Variants in XPO4 observed in about 807,000 individuals in gnomAD.
The protein encoded by XPO4 is exportin 4.
XPO4 carries 39 observed loss-of-function variants against 143.0 expected under a neutral mutation model. The ratio of observed to expected loss-of-function variants is 0.27; its 90% confidence interval spans 0.21 to 0.36. The LOEUF is 0.36. Ranked by LOEUF, XPO4 falls within the 10% of genes least tolerant of loss-of-function variation. XPO4 has a pLI of 1.00. For missense variants in XPO4, 907 were observed against 1,348.0 expected (o/e 0.67, Z 5.12); for synonymous variants, 439 against 474.0 (o/e 0.93, Z 0.96).
At chr13:20,897,164 T>TAATGCATCTTTCA (rs1355878134) in intron 1 of XPO4, among the ~76,000 whole-genome samples, 2 of 152,188 alleles carry the variant, frequency 1.3e-5, no homozygotes, top group African/African-American at 4.8e-5. Flanking sequence ...ATACTTACTA[T>TAATGCATCTTTCA]AATGCATCTT....
intron 22 of XPO4, among the ~76,000 whole-genome samples, chr13:20,785,385 G>C (rs2059187432): frequency 6.6e-6 from 1 of 152,094 alleles, no homozygotes; most frequent in South Asian, 2.1e-4. Flanking sequence ...AGAAATGGTA[G>C]AGGTGGCAAG....
intron 6 of XPO4, among the ~76,000 whole-genome samples, chr13:20,837,511 T>C (rs1392751009): frequency 6.6e-6 from 1 of 152,138 alleles, no homozygotes; most frequent in Non-Finnish European, 1.5e-5. Flanking sequence ...GTTCAAGCAC[T>C]TCTCCTGCCT....
intron 6 of XPO4, among the ~76,000 whole-genome samples, chr13:20,837,396 TCTC>T (rs2059928749): frequency 1.3e-5 from 2 of 152,046 alleles, no homozygotes; most frequent in Admixed American, 6.5e-5. Flanking sequence ...TTTTCTTTCT[TCTC>T]CTTTTTTTTT....
intron 7 of XPO4, among the ~76,000 whole-genome samples, chr13:20,826,843 G>A (rs2059791563): frequency 6.6e-6 from 1 of 152,164 alleles, no homozygotes; most frequent in Admixed American, 6.5e-5. Flanking sequence ...GAAATTAAAA[G>A]TTTGAGAACT....
At chr13:20,799,395 A>G (rs1423870662) in intron 15 of XPO4, 56 bp from the exon 16 acceptor site, 5 of 1,333,574 alleles carry the variant, frequency 3.7e-6, no homozygotes, top group Non-Finnish European at 4.1e-6. Context: ...ACATACACAC[A>G]TACACATATA....
chr13:20,862,885 T>G, intron 2 of XPO4, 27 bp from the exon 3 acceptor site: 3 of 1,608,888 alleles, frequency 1.9e-6, no homozygotes, highest in Non-Finnish European at 2.5e-6. Flanking sequence ...AAACTTTATT[T>G]AAACAATAAT....
chr13:20,790,555 T>C lies in XPO4; in HGVS notation c.2823A>G (p.Pro941=), dbSNP rs1202497410. The change falls in exon 19 of 23, where the codon CCA becomes CCG. Residue 941 remains proline, a synonymous_variant. Coordinates refer to ENST00000255305, the MANE Select transcript of XPO4 (RefSeq NM_022459.5). The part of the protein sequence containing the change: ...DTDEVFRGHE[P]GQAANRSVSA... ...ACACAGATCTGTTTGCTGCTTGACC[T>C]GGCTCATGTCCTCTAAACACTTCAT... The C allele has an allele frequency of 1.2e-6, 2 of 1,614,050 alleles. No individual in the cohort carries two copies. Among genetic ancestry groups the C allele is most frequent in the African/African-American group, 2.7e-5 (2 of 74,942 alleles).
At chr13:20,821,276 A>G (rs1325066489) in intron 9 of XPO4, among the ~76,000 whole-genome samples, 1 of 151,354 alleles carries the variant, frequency 6.6e-6, no homozygotes. Context: ...TTATGTTTAC[A>G]TAATTGCCAA....
intron 7 of XPO4, among the ~76,000 whole-genome samples, chr13:20,826,512 C>T (rs532185622): frequency 8.5e-5 from 13 of 152,240 alleles, no homozygotes; most frequent in Admixed American, 7.2e-4. Flanking sequence ...TGGAATTTCC[C>T]CGAGGCCACA....
chr13:20,811,907 A>C (rs2059587832), intron 9 of XPO4, among the ~76,000 whole-genome samples: 1 of 152,214 alleles, frequency 6.6e-6, no homozygotes, highest in Non-Finnish European at 1.5e-5. Flanking sequence ...TTAGATCCAA[A>C]ATAGGAATCC....
At chr13:20,888,930 G>A (rs1566628441) in intron 1 of XPO4, among the ~76,000 whole-genome samples, 2 of 151,960 alleles carry the variant, frequency 1.3e-5, no homozygotes, top group Non-Finnish European at 2.9e-5. Flanking sequence ...AGCCTCCCAA[G>A]TACCTGGGGT....
chr13:20,795,873 G>T (rs940288574), intron 18 of XPO4, among the ~76,000 whole-genome samples: 1 of 152,162 alleles, frequency 6.6e-6, no homozygotes, highest in African/African-American at 2.4e-5. Context: ...ATGAATGAGA[G>T]ATACTATTTC....
chr13:20,900,652 G>A (rs9552294), intron 1 of XPO4, among the ~76,000 whole-genome samples: 3 of 148,232 alleles, frequency 2.0e-5, no homozygotes, highest in Non-Finnish European at 4.4e-5. Context: ...TCACTCTGTC[G>A]CCCAGACTGG....
In XPO4 at chr13:20,777,674, C is replaced by T. The variant is rs2059101943; in HGVS notation, c.*6048G>A. 6.6e-6 allele frequency: 1 copy of T among 152,168 alleles called. No individual in the cohort carries two copies. Among genetic ancestry groups the T allele is most frequent in the African/African-American group, 2.4e-5 (1 of 41,442 alleles). The allele number at this position is 152,168 out of a possible 1,614,324, so 9.4% of individuals were successfully genotyped here. The stretch of plus-strand genomic sequence containing the variant: ...AAGCCTAAGATTAGGCAGAAATGAA[C>T]ATTATCAAAACAAGAACAAAACTGC... On this transcript the variant is annotated 3_prime_UTR_variant, in exon 23 of 23. Coordinates refer to ENST00000255305, the MANE Select transcript of XPO4 (RefSeq NM_022459.5).
chr13:20,837,343 A>C (rs1232168851), intron 6 of XPO4, among the ~76,000 whole-genome samples: 2 of 152,222 alleles, frequency 1.3e-5, no homozygotes, highest in East Asian at 3.9e-4. Flanking sequence ...AAGTATACAA[A>C]ATTGTTCCTA....
At chr13:20,790,225 C>T (rs574101507) in intron 19 of XPO4, among the ~76,000 whole-genome samples, 35 of 152,234 alleles carry the variant, frequency 2.3e-4, no homozygotes, top group African/African-American at 7.7e-4. Flanking sequence ...CCTGACAAAA[C>T]GAGTCACTAA....
chr13:20,836,133 G>A (rs911026166), intron 6 of XPO4, among the ~76,000 whole-genome samples: 1 of 152,110 alleles, frequency 6.6e-6, no homozygotes, highest in Admixed American at 6.6e-5. Flanking sequence ...TGACCGCATG[G>A]GGGTTGGTGT....
chr13:20,789,504 C>T (rs376206718), intron 19 of XPO4, among the ~76,000 whole-genome samples: 1 of 151,526 alleles, frequency 6.6e-6, no homozygotes, highest in Non-Finnish European at 1.5e-5. Context: ...ACGCCATTCT[C>T]CTGCCTCAGC....
At chr13:20,856,396 G>T in intron 3 of XPO4, 1 of 983,522 alleles carries the variant, frequency 1.0e-6, no homozygotes, top group Non-Finnish European at 1.2e-6. Flanking sequence ...CATCCCAAGT[G>T]GAGGCATTTT....
Sources: gnomAD v4.1 joint callset for allele counts (sites outside exome capture counted in the v4.1 genomes callset) on GRCh38, gnomAD v4.1.1 for gene constraint, MANE v1.5 for transcripts, NCBI Gene and HGNC (gene_info 2026-07-23, HGNC 2026-07-21) for gene names.